Variants in HELZ2 observed in about 807,000 individuals in gnomAD.
The protein encoded by HELZ2 is 3'-5' exoribonuclease HELZ2.
Under a neutral mutation model 208.8 loss-of-function variants are expected in HELZ2, and 143 were observed. The ratio of observed to expected loss-of-function variants is 0.68; its 90% CI spans 0.60 to 0.79. The LOEUF (loss-of-function observed/expected upper bound fraction) is 0.79. Ranked by LOEUF, HELZ2 falls within the 30% of genes least tolerant of loss-of-function variation. HELZ2 has a pLI of 0.00. For synonymous variants in HELZ2, 1,705 were observed against 1,693.7 expected (o/e 1.01, Z -0.16); for missense variants, 3,690 against 3,794.5 (o/e 0.97, Z 0.72).
rs532405296 is a variant in HELZ2 at position 63,570,472 on chromosome 20, C to G, written c.570+32G>C. 6 of 1,578,534 alleles carry G rather than the reference C, an allele frequency of 3.8e-6. No homozygotes were observed. The South Asian group carries it at 6.7e-5, about 18-fold the overall frequency. On this transcript the variant is annotated intron_variant, in intron 3 of 18. Coordinates refer to ENST00000467148, the Ensembl canonical transcript of HELZ2. ...TGAAGTCACCACTTCCCCAGGGCTC[C>G]CTCCGCCCAGTCGGAGCTGTTCTCC... is the stretch of plus-strand genomic sequence containing the variant.
rs576078631 is a variant in HELZ2 at position 63,568,795 on chromosome 20, G to A, written c.1293C>T (p.Phe431=). 6.2e-5 allele frequency: 100 copies of A among 1,611,750 alleles called. No individual in the cohort carries two copies. The African/African-American group carries it at 1.1e-3, about 17-fold the overall frequency. Reference sequence around the variant, plus strand: ...TGGCCCGCCTCTCCAGCCGCACCTCGAACACCGTATTGTCGGGTGCAGGTA... The same window carrying A: ...TGGCCCGCCTCTCCAGCCGCACCTCAAACACCGTATTGTCGGGTGCAGGTA... The change falls in exon 5 of 19, where the codon TTC becomes TTT. Residue 431 remains phenylalanine (F), a synonymous_variant. Coordinates refer to ENST00000467148, the Ensembl canonical transcript of HELZ2.
At chr20:63,567,709 G>A (rs996078468) in intron 5 of HELZ2, 82 bp from the exon 7 acceptor site, 34 of 1,502,306 alleles carry the variant, frequency 2.3e-5, no homozygotes, top group African/African-American at 9.6e-5. Flanking sequence ...GTGCCCAGCC[G>A]AGCTGCCCCT....
chr20:63,565,498 C>T (rs1379500944), exon 8 of HELZ2: 1 of 1,606,648 alleles, frequency 6.2e-7, no homozygotes, highest in Non-Finnish European at 8.5e-7. Context: ...TCTCGTACAG[C>T]CGGGCCTGCT....
At chr20:63,566,381 G>T in exon 7 of HELZ2, 1 of 1,548,092 alleles carries the variant, frequency 6.5e-7, no homozygotes, top group Non-Finnish European at 8.7e-7. Context: ...CACCCACCTG[G>T]CAGGATCTCA....
At chr20:63,569,475 A>T in exon 4 of HELZ2, 2 of 1,611,416 alleles carry the variant, frequency 1.2e-6, no homozygotes, top group Non-Finnish European at 1.7e-6. Context: ...AAAGTCGAAG[A>T]CCACCCATTG....
exon 8 of HELZ2, chr20:63,563,704 G>C (rs779409174): frequency 1.9e-6 from 3 of 1,587,282 alleles, no homozygotes; most frequent in Admixed American, 3.4e-5. Context: ...AGGCCTGGCA[G>C]AGCCCATCGA....
exon 6 of HELZ2, chr20:63,567,498 G>A: frequency 6.4e-7 from 1 of 1,557,430 alleles, no homozygotes; most frequent in South Asian, 1.2e-5. Context: ...TCAGGCAACA[G>A]TACTGCAGCG....
At chr20:63,563,803 C>T (rs146337617) in exon 8 of HELZ2, 187 of 1,601,620 alleles carry the variant, frequency 1.2e-4, no homozygotes, top group Middle Eastern at 1.6e-4. Flanking sequence ...TGCGGATGGG[C>T]GAGGTGGCCC....
chr20:63,564,590 A>G, exon 8 of HELZ2: 1 of 1,567,122 alleles, frequency 6.4e-7, no homozygotes, highest in African/African-American at 1.3e-5. Flanking sequence ...GTCCTGGCAG[A>G]GGCTGGCCGG....
In HELZ2 at chr20:63,567,732, T is replaced by G. The variant is rs567164903; in HGVS notation, c.1731-105A>C. 8.8e-6 allele frequency: 13 copies of G among 1,480,644 alleles called. No individual in the cohort carries two copies. The East Asian group carries it at 3.0e-4, about 34-fold the overall frequency. 91.7% of individuals were successfully genotyped at this position (1,480,644 alleles called of 1,614,324 possible). A position where few individuals can be genotyped will look rare whatever the true frequency, so the allele number is the denominator to read the frequency against. On this transcript the variant is annotated intron_variant, in intron 5 of 18. Transcript: ENST00000467148. ...CCGAGCTGCCCCTGAGCACAGCCCT[T>G]GTCTGGCTGTCAGAGGTGAGCAGCA...
At chr20:63,558,981 A>G (rs925366584), downstream of HELZ2, 1 of 364,636 alleles carries the variant, frequency 2.7e-6, no homozygotes. Flanking sequence ...CAGGGACAGC[A>G]GAACTTCCTT....
exon 8 of HELZ2, chr20:63,565,330 C>G: frequency 6.2e-7 from 1 of 1,607,360 alleles, no homozygotes; most frequent in East Asian, 2.2e-5. Context: ...CGAAGGCCAT[C>G]CCACAGTCCA....
chr20:63,560,912 G>T (rs755317466), exon 15 of HELZ2: 3 of 1,612,926 alleles, frequency 1.9e-6, no homozygotes, highest in South Asian at 2.2e-5. Flanking sequence ...GCTGCTTGTG[G>T]TCTCCGAGAA....
Position 63,560,739 on chromosome 20 carries a change from G to T in HELZ2, c.7282-42C>A, listed in dbSNP as rs753941530. ...GCGCTGGTCAGAGGCTGCCACGCGG[G>T]GTTGTGGCCCCCCAGGGGCTGCAGG... On this transcript the variant is annotated intron_variant, in intron 15 of 18. Transcript: ENST00000467148. The T allele has an allele frequency of 3.1e-6, 5 of 1,604,244 alleles. No individual in the cohort carries two copies. The African/African-American group carries it at 6.7e-5, about 21-fold the overall frequency.
intron 3 of HELZ2, 162 bp downstream of exon 4, chr20:63,570,342 G>C: frequency 1.4e-6 from 1 of 721,156 alleles, no homozygotes; most frequent in Admixed American, 2.0e-5. Context: ...TAGGTGAGGA[G>C]ACTGAGGCAG....
At chr20:63,561,917 C>T in exon 11 of HELZ2, 1 of 1,593,846 alleles carries the variant, frequency 6.3e-7, no homozygotes. Context: ...CTCCGGGCTG[C>T]ACCTGCTCCT....
exon 8 of HELZ2, chr20:63,563,589 C>T: frequency 6.5e-7 from 1 of 1,531,328 alleles, no homozygotes; most frequent in Non-Finnish European, 8.8e-7. Flanking sequence ...TCCACGTCCA[C>T]CACGAAGCCC....
At chr20:63,559,797 G>A (rs1210043769) in intron 18 of HELZ2, 131 bp downstream of exon 19, 5 of 634,916 alleles carry the variant, frequency 7.9e-6, no homozygotes, top group Middle Eastern at 4.4e-4. Flanking sequence ...AGTCAGGTGG[G>A]AGGAGTCAGG....
chr20:63,563,602 C>T (rs750223984), exon 8 of HELZ2: 25 of 1,535,026 alleles, frequency 1.6e-5, no homozygotes, highest in Non-Finnish European at 2.1e-5. Flanking sequence ...CGAAGCCCAG[C>T]TTGTCCAGAG....
Sources: allele counts gnomAD v4.1 joint callset, GRCh38; gene constraint gnomAD v4.1.1; transcripts MANE v1.5; gene names NCBI Gene and HGNC (gene_info 2026-07-23, HGNC 2026-07-21).